Variants in ZCCHC7 observed in about 807,000 individuals in gnomAD.
The protein encoded by ZCCHC7 is zinc finger CCHC-type containing 7.
ZCCHC7 carries 35 observed loss-of-function variants against 52.0 expected under a neutral mutation model. The observed-to-expected ratio is 0.67, with a 90% CI of 0.51 to 0.89. The LOEUF (loss-of-function observed/expected upper bound fraction) is 0.89. ZCCHC7 is among the 40% of genes least tolerant of loss of function. The probability of loss-of-function intolerance (pLI) is 0.00; values close to 1 mark genes in which losing one functional copy is unlikely to be tolerated. For synonymous variants in ZCCHC7, 217 were observed against 221.5 expected (o/e 0.98, Z 0.18); for missense variants, 574 against 649.1 (o/e 0.88, Z 1.26).
At chr9:37,281,557 A>G (rs535438574) in intron 2 of ZCCHC7, among the ~76,000 whole-genome samples, 1 of 152,260 alleles carries the variant, frequency 6.6e-6, no homozygotes, top group Non-Finnish European at 1.5e-5. Flanking sequence ...AACTAAGAAA[A>G]TATTCCTCAA....
At chr9:37,209,217 T>C (rs111359884) in intron 2 of ZCCHC7, among the ~76,000 whole-genome samples, 2,822 of 152,084 alleles carry the variant, frequency 0.019, 84 homozygotes, top group African/African-American at 0.065. Context: ...ACTTTTTGTA[T>C]TTTTAGTAGA....
At chr9:37,146,301 A>G (rs1265104567) in intron 2 of ZCCHC7, among the ~76,000 whole-genome samples, 1 of 151,902 alleles carries the variant, frequency 6.6e-6, no homozygotes, top group Non-Finnish European at 1.5e-5. Context: ...CTTTGGTTTC[A>G]GGCATAATGA....
chr9:37,288,348 A>ATTT (rs34571526), intron 2 of ZCCHC7, among the ~76,000 whole-genome samples: 2 of 141,432 alleles, frequency 1.4e-5, no homozygotes. Context: ...AGGTAGATAG[A>ATTT]TTTTTTTTTT....
intron 2 of ZCCHC7, among the ~76,000 whole-genome samples, chr9:37,203,732 T>C (rs1823755731): frequency 6.6e-6 from 1 of 152,194 alleles, no homozygotes; most frequent in Admixed American, 6.5e-5. Context: ...GTTGGTTCCA[T>C]GTCTTTTGTA....
intron 2 of ZCCHC7, among the ~76,000 whole-genome samples, chr9:37,299,929 G>T (rs1828953664): frequency 6.6e-6 from 1 of 152,102 alleles, no homozygotes; most frequent in Admixed American, 6.6e-5. Context: ...ACCAAAAATG[G>T]ATTGAAAATA....
intron 6 of ZCCHC7, among the ~76,000 whole-genome samples, chr9:37,341,791 A>G (rs1820654514): frequency 6.6e-6 from 1 of 152,106 alleles, no homozygotes; most frequent in African/African-American, 2.4e-5. Flanking sequence ...CTGGGAGAAG[A>G]GTGATGCAGG....
intron 2 of ZCCHC7, among the ~76,000 whole-genome samples, chr9:37,214,320 C>A (rs565164111): frequency 1.3e-5 from 2 of 152,008 alleles, no homozygotes; most frequent in South Asian, 2.1e-4. Context: ...GAAACATTAT[C>A]CCAGATTCGG....
chr9:37,201,456 G>C (rs748643534), intron 2 of ZCCHC7, among the ~76,000 whole-genome samples: 1 of 152,142 alleles, frequency 6.6e-6, no homozygotes, highest in East Asian at 1.9e-4. Context: ...CTGTTTTATT[G>C]CAAGTATTAG....
In ZCCHC7 at chr9:37,305,917, G is replaced by A. The variant is rs191654806; in HGVS notation, c.951+203G>A. The stretch of plus-strand genomic sequence containing the variant: ...GCTCTAAATAATATAGGGGTAAGGA[G>A]CCTACTGAATCAGAAGACAGCATCA... On this transcript the variant is annotated intron_variant, in intron 5 of 8. Coordinates refer to ENST00000336755, the MANE Select transcript of ZCCHC7 (RefSeq NM_032226.3). 3.9e-5 allele frequency among the ~76,000 whole-genome samples: 6 copies of A among 152,066 alleles called. No homozygotes were observed. The East Asian group carries it at 7.7e-4, about 20-fold the overall frequency.
At chr9:37,221,039 G>A (rs904546750) in intron 2 of ZCCHC7, among the ~76,000 whole-genome samples, 1 of 152,196 alleles carries the variant, frequency 6.6e-6, no homozygotes, top group Non-Finnish European at 1.5e-5. Context: ...GACAAACGCG[G>A]CGTTGCCTTA....
Position 37,321,657 on chromosome 9 carries a change from T to A in ZCCHC7, c.952-6142T>A, listed in dbSNP as rs1830059364. On this transcript the variant is annotated intron_variant, in intron 5 of 8. Coordinates refer to ENST00000336755, the MANE Select transcript of ZCCHC7 (RefSeq NM_032226.3). ...TCCATGCCTGTAGTCCTAACTACTC[T>A]GGAGGCTGAGGTCAGAGAATCCTGC... is the stretch of plus-strand genomic sequence containing the variant. Among the ~76,000 whole-genome samples the A allele has an allele frequency of 7.2e-5, 11 of 152,226 alleles. 1 individual carries two copies. In the South Asian group the frequency reaches 2.3e-3, roughly 32 times the overall value.
intron 3 of ZCCHC7, among the ~76,000 whole-genome samples, chr9:37,302,530 G>GTAC (rs1223057484): frequency 6.6e-6 from 1 of 152,172 alleles, no homozygotes; most frequent in Admixed American, 6.5e-5. Flanking sequence ...CTTCTTCAGT[G>GTAC]TAAGGAAATG....
At chr9:37,341,530 C>G (rs1328726659) in intron 6 of ZCCHC7, among the ~76,000 whole-genome samples, 3 of 152,052 alleles carry the variant, frequency 2.0e-5, no homozygotes, top group Non-Finnish European at 2.9e-5. Context: ...TTTCTCCTAG[C>G]CTGGGGATGG....
intron 2 of ZCCHC7, among the ~76,000 whole-genome samples, chr9:37,141,553 T>C (rs1473128443): frequency 2.6e-5 from 4 of 151,936 alleles, no homozygotes; most frequent in Admixed American, 2.0e-4. Context: ...TCCTGAAAAT[T>C]TGTATTCATG....
chr9:37,338,291 A>G (rs1192436585), intron 6 of ZCCHC7, among the ~76,000 whole-genome samples: 1 of 152,192 alleles, frequency 6.6e-6, no homozygotes, highest in Admixed American at 6.6e-5. Flanking sequence ...TAGATTTTGC[A>G]TAGTGGTTAA....
chr9:37,120,414 G>A, upstream of ZCCHC7: 2 of 392,730 alleles, frequency 5.1e-6, no homozygotes, highest in African/African-American at 2.1e-5. Flanking sequence ...GCGGGGCAGA[G>A]AACGGTTCGC....
chr9:37,270,792 A>T (rs1168545935), intron 2 of ZCCHC7, among the ~76,000 whole-genome samples: 8 of 111,912 alleles, frequency 7.1e-5, no homozygotes, highest in Admixed American at 2.2e-4. Context: ...CATTGAAAGT[A>T]GTTTCCAGCA....
chr9:37,315,920 G>A (rs1228066100), intron 5 of ZCCHC7, among the ~76,000 whole-genome samples: 1 of 147,834 alleles, frequency 6.8e-6, no homozygotes, highest in Admixed American at 6.7e-5. Flanking sequence ...GTGATGAACT[G>A]GTTCCTGTCT....
intron 2 of ZCCHC7, among the ~76,000 whole-genome samples, chr9:37,257,023 T>C (rs1315502208): frequency 1.3e-5 from 2 of 152,234 alleles, no homozygotes; most frequent in Admixed American, 1.3e-4. Context: ...TATATATACA[T>C]GGGAGACACC....
Sources: allele counts gnomAD v4.1 joint callset (sites outside exome capture counted in the v4.1 genomes callset), GRCh38; gene constraint gnomAD v4.1.1; transcripts MANE v1.5; gene names NCBI Gene and HGNC (gene_info 2026-07-23, HGNC 2026-07-21).